PAPPA2: variants seen among roughly 807,000 people sequenced by gnomAD.
PAPPA2 encodes the protein pappalysin 2.
In PAPPA2, 86 loss-of-function variants were observed where a neutral mutation model predicts 176.4. The ratio of observed to expected loss-of-function variants is 0.49; its 90% CI spans 0.41 to 0.58. PAPPA2 has a LOEUF of 0.58. PAPPA2 is among the 20% of genes least tolerant of loss of function. The pLI, the probability that PAPPA2 is intolerant of heterozygous loss-of-function variation, is 0.00. For missense variants in PAPPA2, 2,073 were observed against 2,256.9 expected, an observed-to-expected ratio of 0.92 and a Z score of 1.65; for synonymous variants, 809 against 852.2, an observed-to-expected ratio of 0.95 and a Z score of 0.88.
chr1:176,843,474 C>T lies in PAPPA2; in HGVS notation c.*1020C>T, dbSNP rs1167159048. On this transcript the variant is annotated 3_prime_UTR_variant, in exon 23 of 23. Transcript: ENST00000367662. ...GGATTTTCTGCACTTCCACACATGC[C>T]TGTTCCAAGTGTGGCTGTCAGCCAG... The T allele has an allele frequency of 6.6e-6, 1 of 152,148 alleles. No individual in the cohort carries two copies. The highest frequency in any genetic ancestry group is 1.9e-4 in the East Asian group (1 of 5,188). The allele number at this position is 152,148 out of a possible 1,614,324, so 9.4% of individuals were successfully genotyped here.
At chr1:176,797,847 A>G (rs1214455757) in intron 20 of PAPPA2, among the ~76,000 whole-genome samples, 6 of 152,158 alleles carry the variant, frequency 3.9e-5, no homozygotes, top group African/African-American at 1.4e-4. Flanking sequence ...TACTTGTTTT[A>G]TTAATGGCAT....
At chr1:176,692,747 C>T (rs1660176467) in intron 6 of PAPPA2, among the ~76,000 whole-genome samples, 1 of 152,168 alleles carries the variant, frequency 6.6e-6, no homozygotes, top group South Asian at 2.1e-4. Flanking sequence ...TGCCCACTGC[C>T]ACAAGCTGTG....
chr1:176,550,199 T>G (rs1650865755), intron 1 of PAPPA2, among the ~76,000 whole-genome samples: 1 of 152,234 alleles, frequency 6.6e-6, no homozygotes, highest in Non-Finnish European at 1.5e-5. Context: ...GTAAGTAGTT[T>G]AACCTGTTTC....
Position 176,690,146 on chromosome 1 carries a change from TCCTCAGC to T in PAPPA2, c.2150_2156del (p.Leu717GlnfsTer13). The T allele has an allele frequency of 6.2e-7, 1 of 1,604,488 alleles. No homozygotes were observed. The highest frequency in any genetic ancestry group is 8.5e-7 in the Non-Finnish European group (1 of 1,172,158). ...AAAACTTTCATTGCAGGTGGCATTG[TCCTCAGC>T]CCAGCATATTATGGGATGCCTGGCC... On this transcript the variant is annotated frameshift_variant, in exon 5 of 23. Transcript: ENST00000367662. LOFTEE classifies it high-confidence loss of function.
chr1:176,584,243 C>T (rs1653155654), intron 2 of PAPPA2, among the ~76,000 whole-genome samples: 1 of 151,950 alleles, frequency 6.6e-6, no homozygotes, highest in South Asian at 2.1e-4. Context: ...TTGATCTGTC[C>T]AATACTGAGA....
intron 2 of PAPPA2, among the ~76,000 whole-genome samples, chr1:176,564,920 C>T (rs1651876319): frequency 2.0e-5 from 3 of 152,016 alleles, no homozygotes; most frequent in Admixed American, 2.0e-4. Context: ...TACCCATTAG[C>T]CCTACCCACT....
chr1:176,726,887 A>T (rs146288662), intron 12 of PAPPA2, among the ~76,000 whole-genome samples: 1 of 152,230 alleles, frequency 6.6e-6, no homozygotes, highest in Admixed American at 6.5e-5. Context: ...CCTTAATGTT[A>T]GACTCAGCTG....
chr1:176,762,902 C>T (rs550047688), intron 14 of PAPPA2, among the ~76,000 whole-genome samples: 21 of 152,118 alleles, frequency 1.4e-4, no homozygotes, highest in Non-Finnish European at 2.6e-4. Flanking sequence ...CTTGTGAAAA[C>T]ATTTTCTTCA....
At chr1:176,523,881 C>T (rs1649335574) in intron 1 of PAPPA2, among the ~76,000 whole-genome samples, 1 of 152,226 alleles carries the variant, frequency 6.6e-6, no homozygotes, top group South Asian at 2.1e-4. Context: ...TGTACCTTGG[C>T]AAATGGCTCT....
chr1:176,506,408 C>T (rs561030547), intron 1 of PAPPA2, among the ~76,000 whole-genome samples: 1 of 151,764 alleles, frequency 6.6e-6, no homozygotes, highest in South Asian at 2.1e-4. Flanking sequence ...GCTAGTTTGA[C>T]AAAAATAGCA....
At chr1:176,791,035 C>A (rs1665150939) in intron 18 of PAPPA2, among the ~76,000 whole-genome samples, 1 of 152,062 alleles carries the variant, frequency 6.6e-6, no homozygotes, top group Admixed American at 6.6e-5. Flanking sequence ...GGAAACAATT[C>A]CAAAAATAGC....
rs1471486413 is a variant in PAPPA2 at position 176,739,975 on chromosome 1, T to C, written c.3935-5T>C. ...AAAATATGATTCATCTCCGTTTATC[T>C]TCAGGAACCTATGGACTGTCATGCC... On this transcript the variant is annotated splice_region_variant and splice_polypyrimidine_tract_variant and intron_variant, in intron 13 of 22. Transcript: ENST00000367662. The C allele has an allele frequency of 6.2e-7, 1 of 1,613,550 alleles. No individual in the cohort carries two copies. Among genetic ancestry groups the C allele is most frequent in the Admixed American group, 1.7e-5 (1 of 59,978 alleles).
chr1:176,722,718 G>C (rs1049635859), intron 12 of PAPPA2, among the ~76,000 whole-genome samples: 3 of 151,976 alleles, frequency 2.0e-5, no homozygotes, highest in Non-Finnish European at 2.9e-5. Context: ...ATTATTATTA[G>C]ACTTTTAAGT....
In PAPPA2 at chr1:176,566,631, AG is replaced by A. The variant is rs1038280567; in HGVS notation, c.919+9392del. Among the ~76,000 whole-genome samples the A allele has an allele frequency of 2.4e-4, 36 of 152,276 alleles. 1 individual carries two copies. Among genetic ancestry groups the A allele is most frequent in the Admixed American group, 1.8e-3 (27 of 15,286 alleles). ...AAAGATTGTCAGGTTGGAAATATTC[AG>A]GAGTGACAGAGGCAGGGCTGGAAAG... On this transcript the variant is annotated intron_variant, in intron 2 of 22. Transcript: ENST00000367662.
intron 1 of PAPPA2, among the ~76,000 whole-genome samples, chr1:176,554,998 TGTGAGAGA>T (rs1186039253): frequency 0.01 from 1,040 of 103,876 alleles, 11 homozygotes; most frequent in African/African-American, 0.025. Flanking sequence ...TGTGTGTGTG[TGTGAGAGA>T]GAGAGAGAGA....
chr1:176,762,296 C>T (rs765313879), intron 14 of PAPPA2, among the ~76,000 whole-genome samples: 19 of 150,774 alleles, frequency 1.3e-4, no homozygotes, highest in Admixed American at 3.3e-4. Context: ...GCCACTTTTC[C>T]CTCTCATATT....
At chr1:176,741,186 G>T (rs568763926) in intron 14 of PAPPA2, among the ~76,000 whole-genome samples, 1 of 152,144 alleles carries the variant, frequency 6.6e-6, no homozygotes, top group Non-Finnish European at 1.5e-5. Flanking sequence ...AGCTTCGCCA[G>T]GTATCTCTGG....
At chr1:176,676,549 A>G (rs1170973468) in intron 4 of PAPPA2, among the ~76,000 whole-genome samples, 2 of 152,052 alleles carry the variant, frequency 1.3e-5, no homozygotes, top group African/African-American at 4.8e-5. Flanking sequence ...TAAAGAACAA[A>G]CTAGTGATTT....
intron 12 of PAPPA2, among the ~76,000 whole-genome samples, chr1:176,739,244 G>C (rs905316842): frequency 3.3e-5 from 5 of 152,042 alleles, no homozygotes; most frequent in African/African-American, 1.2e-4. Context: ...CTTCTCCACT[G>C]TTTTCACTTT....
Sources: allele counts gnomAD v4.1 joint callset (sites outside exome capture counted in the v4.1 genomes callset), GRCh38; gene constraint gnomAD v4.1.1; transcripts MANE v1.5; gene names NCBI Gene and HGNC (gene_info 2026-07-23, HGNC 2026-07-21).